The following MTMR2 variants were observed in gnomAD, a reference collection of about 807,000 sequenced individuals.
The protein encoded by MTMR2 is myotubularin related protein 2, also known as phosphatidylinositol-3,5-bisphosphate 3-phosphatase MTMR2.
A neutral mutation model predicts 86.9 loss-of-function variants in MTMR2; 55 were observed. The observed-to-expected ratio is 0.63, with a 90% CI of 0.51 to 0.79. The LOEUF (loss-of-function observed/expected upper bound fraction) is 0.79. Ranked by LOEUF, MTMR2 falls within the 30% of genes least tolerant of loss-of-function variation. The pLI, the probability that MTMR2 is intolerant of heterozygous loss-of-function variation, is 0.00. For missense variants in MTMR2, 659 were observed against 772.3 expected (o/e 0.85, Z 1.74); for synonymous variants, 241 against 266.8 (o/e 0.90, Z 0.94).
At position 95,835,593 on chromosome 11, in the gene MTMR2, C is replaced by A. The variant is rs473852; in HGVS notation, c.1771-142G>T. 0.37 allele frequency: 295,060 copies of A among 796,370 alleles called. 58,824 individuals are homozygous for A. Among genetic ancestry groups the A allele is most frequent in the Middle Eastern group, 0.42 (1,214 of 2,878 alleles). 49.3% of individuals were successfully genotyped at this position (796,370 alleles called of 1,614,324 possible). ...CCAACCCATCAGTGAAATTAAATAC[C>A]GGGACTGTGGACACCACTAATCTTT... On this transcript the variant is annotated intron_variant, in intron 14 of 14. Coordinates refer to ENST00000346299, the MANE Select transcript of MTMR2 (RefSeq NM_016156.6).
At position 95,841,493 on chromosome 11, in the gene MTMR2, G is replaced by C. The variant is rs556607097; in HGVS notation, c.1479+124C>G. ...ATGTGACAATAAATAGCTCTCACAT[G>C]GACATGGAGATGTTACAAGAATTTC... On this transcript the variant is annotated intron_variant, in intron 12 of 14. Transcript: ENST00000346299. 4.2e-5 allele frequency: 33 copies of C among 780,310 alleles called. No individual in the cohort carries two copies. The East Asian group carries it at 8.1e-4, about 19-fold the overall frequency. The allele number at this position is 780,310 out of a possible 1,614,324, so 48.3% of individuals were successfully genotyped here.
rs1863365049 is a variant in MTMR2 at position 95,838,096 on chromosome 11, C to A, written c.1591G>T (p.Glu531Ter). 2 of 1,578,226 alleles carry A rather than the reference C, an allele frequency of 1.3e-6. No homozygotes were observed. The highest frequency in any genetic ancestry group is 1.7e-6 in the Non-Finnish European group (2 of 1,147,894). Residue 531 changes from glutamate to a stop codon, truncating the protein, a stop_gained and splice_region_variant, in exon 13 of 15, where the codon GAG becomes TAG. Coordinates refer to ENST00000346299, the MANE Select transcript of MTMR2 (RefSeq NM_016156.6). LOFTEE classifies it high-confidence loss of function. ...LCNSEQQRGK[E>*]NLPKRTVSLW... ...GAAGGTCATGTTTCATATTTTACCTCTTTTCCTCTCTGTTGTTCACTATTA... is the reference window on the plus strand; with the variant it reads ...GAAGGTCATGTTTCATATTTTACCTATTTTCCTCTCTGTTGTTCACTATTA...
rs1415872953 is a variant in MTMR2, at chr11:95,850,684, G to A, written c.720C>T (p.Tyr240=). 2 of 1,613,582 alleles carry A rather than the reference G, an allele frequency of 1.2e-6. No homozygotes were observed. Among genetic ancestry groups the A allele is most frequent in the Non-Finnish European group, 1.7e-6 (2 of 1,179,716 alleles). ...TTGCTGGCACAACCAGGAGGGCAGG[G>A]TATGTATCACAAAGTTCATATCGTT... ...INERYELCDT[Y]PALLVVPANI... is the part of the protein sequence containing the mutation. Residue 240 remains tyrosine (Y), a synonymous_variant, in exon 8 of 15, where the codon TAC becomes TAT. Transcript: ENST00000346299.
At chr11:95,898,390 G>A (rs1865953442) in intron 1 of MTMR2, among the ~76,000 whole-genome samples, 1 of 151,760 alleles carries the variant, frequency 6.6e-6, no homozygotes, top group African/African-American at 2.4e-5. Flanking sequence ...CCTACAATAT[G>A]TAAGATACTA....
chr11:95,858,333 A>G (rs961966453), intron 6 of MTMR2, among the ~76,000 whole-genome samples, 198 bp downstream of exon 6: 2 of 152,222 alleles, frequency 1.3e-5, no homozygotes, highest in African/African-American at 4.8e-5. Flanking sequence ...AATGGACCTC[A>G]GAAATCAGCT....
chr11:95,837,884 A>C (rs1590970696), intron 13 of MTMR2, among the ~76,000 whole-genome samples: 2 of 152,186 alleles, frequency 1.3e-5, no homozygotes, highest in African/African-American at 4.8e-5. Context: ...AACTCAGCAG[A>C]CAGCTAGCTA....
At chr11:95,853,097 A>C (rs1252615044) in intron 7 of MTMR2, among the ~76,000 whole-genome samples, 1 of 148,904 alleles carries the variant, frequency 6.7e-6, no homozygotes, top group Non-Finnish European at 1.5e-5. Context: ...CACGTGAAAA[A>C]TATATATTTC....
chr11:95,884,334 C>A (rs1338934415), intron 2 of MTMR2, among the ~76,000 whole-genome samples: 1 of 152,130 alleles, frequency 6.6e-6, no homozygotes, highest in Non-Finnish European at 1.5e-5. Context: ...AATATTGAAA[C>A]CCACTATTTT....
In MTMR2 at chr11:95,924,070, G is replaced by A; in HGVS notation, c.-116C>T. ...CCGCAGTCAGGCCAGCGCCGGCCCG[G>A]GAGGGAGACCGGAAGCGGCCATGTT... On this transcript the variant is annotated 5_prime_UTR_variant, in exon 1 of 15. Coordinates refer to ENST00000346299, the MANE Select transcript of MTMR2 (RefSeq NM_016156.6). 3 of 1,359,498 alleles carry A rather than the reference G, an allele frequency of 2.2e-6. No individual in the cohort carries two copies. The highest frequency in any genetic ancestry group is 1.3e-5 in the South Asian group (1 of 79,942). 84.2% of individuals were successfully genotyped at this position (1,359,498 alleles called of 1,614,324 possible).
At chr11:95,880,234 T>G (rs1865274598) in intron 2 of MTMR2, among the ~76,000 whole-genome samples, 2 of 152,054 alleles carry the variant, frequency 1.3e-5, no homozygotes, top group South Asian at 4.1e-4. Context: ...CTCAATACAT[T>G]ACTCGTGTGT....
chr11:95,847,797 G>C lies in MTMR2; in HGVS notation c.1096C>G (p.Leu366Val), dbSNP rs925169921. Residue 366 changes from leucine (L) to valine (V), a missense_variant, in exon 10 of 15, where the codon CTT (leucine) becomes GTT (valine). Around this residue, in one of 3 missense-constraint regions of MTMR2, gnomAD observed 387 missense variants for 526.3 expected, o/e 0.74. Coordinates refer to ENST00000346299, the MANE Select transcript of MTMR2 (RefSeq NM_016156.6). ...IHVMRESLRKLKEIVYPNIEE... is the reference protein window; with the variant it reads ...IHVMRESLRKVKEIVYPNIEE... ...ATGTTGGGGTACACAATCTCCTTAA[G>C]TTTTCGTAATGATTCTCTCATAACA... The C allele has an allele frequency of 1.2e-6, 2 of 1,613,570 alleles. No homozygotes were observed. The highest frequency in any genetic ancestry group is 3.3e-5 in the Admixed American group (2 of 59,964).
rs573591313 is a variant in MTMR2, at chr11:95,834,507, T to C, written c.*783A>G. 6.6e-6 allele frequency: 1 copy of C among 152,212 alleles called. No homozygotes were observed. Among genetic ancestry groups the C allele is most frequent in the East Asian group, 1.9e-4 (1 of 5,186 alleles). 9.4% of individuals were successfully genotyped at this position (152,212 alleles called of 1,614,324 possible). A position where few individuals can be genotyped will look rare whatever the true frequency, so the allele number is the denominator to read the frequency against. On this transcript the variant is annotated 3_prime_UTR_variant, in exon 15 of 15. Coordinates refer to ENST00000346299, the MANE Select transcript of MTMR2 (RefSeq NM_016156.6). Reference sequence around the variant, plus strand: ...GTTCAGACACACAAGACAAGTGAAATACACTGTAGTAAATAATTAGTTTTT... The same window carrying C: ...GTTCAGACACACAAGACAAGTGAAACACACTGTAGTAAATAATTAGTTTTT...
intron 1 of MTMR2, among the ~76,000 whole-genome samples, chr11:95,895,754 A>G (rs1388320105): frequency 1.3e-5 from 2 of 152,132 alleles, no homozygotes; most frequent in Admixed American, 1.3e-4. Flanking sequence ...ACTCCTAAAA[A>G]TAAACCCAAG....
At position 95,897,873 on chromosome 11, in the gene MTMR2, G is replaced by A. The variant is rs1013750041; in HGVS notation, c.81-9612C>T. On this transcript the variant is annotated intron_variant, in intron 1 of 14. Transcript: ENST00000346299. ...CTTTGCCAGCGTTCAACAAGGTTAC[G>A]TTTACAAGTCTTCTTAGTCTGTGAT... 5.9e-5 allele frequency among the ~76,000 whole-genome samples: 9 copies of A among 152,056 alleles called. No individual in the cohort carries two copies. The South Asian group carries it at 1.0e-3, about 18-fold the overall frequency.
At chr11:95,845,346 C>A (rs1863741323) in intron 10 of MTMR2, among the ~76,000 whole-genome samples, 187 bp from the exon 11 acceptor site, 1 of 152,054 alleles carries the variant, frequency 6.6e-6, no homozygotes, top group African/African-American at 2.4e-5. Context: ...ACTAGAAAAA[C>A]CTCATAATTG....
intron 1 of MTMR2, chr11:95,923,573 G>A: frequency 1.1e-6 from 1 of 918,086 alleles, no homozygotes. Context: ...TCTTAAAAAA[G>A]GTTTGAGAGG....
chr11:95,909,104 G>GT (rs1017825587), intron 1 of MTMR2, among the ~76,000 whole-genome samples: 20 of 151,770 alleles, frequency 1.3e-4, no homozygotes, highest in Non-Finnish European at 2.1e-4. Context: ...ATAACAAAGG[G>GT]TTTTTTTCCT....
intron 2 of MTMR2, among the ~76,000 whole-genome samples, chr11:95,880,486 A>C (rs1865284927): frequency 6.6e-6 from 1 of 152,188 alleles, no homozygotes; most frequent in African/African-American, 2.4e-5. Flanking sequence ...GGAACTGCTA[A>C]GAAGAATGAG....
chr11:95,870,805 A>T (rs1469038141), intron 2 of MTMR2, among the ~76,000 whole-genome samples: 1 of 144,150 alleles, frequency 6.9e-6, no homozygotes, highest in Non-Finnish European at 1.5e-5. Flanking sequence ...TTACATATGT[A>T]TACATGTGCC....
Sources: allele counts gnomAD v4.1 joint callset (sites outside exome capture counted in the v4.1 genomes callset), GRCh38; gene constraint gnomAD v4.1.1; regional missense constraint gnomAD v4.1.1; transcripts MANE v1.5; gene names NCBI Gene and HGNC (gene_info 2026-07-23, HGNC 2026-07-21).